The following ACKR2 variants were observed in gnomAD, a reference collection of about 807,000 sequenced individuals.
ACKR2 encodes the protein C-C chemokine receptor D6.
For synonymous variants in ACKR2, 207 were observed against 192.2 expected, an observed-to-expected ratio of 1.08 and a Z score of -0.64; for missense variants, 457 against 477.3, an observed-to-expected ratio of 0.96 and a Z score of 0.40.
rs1193533555 is a variant in ACKR2 at position 42,828,092 on chromosome 3, A to ATATATATTTTTTTTT, written c.-38+8382_-38+8383insATATATTTTTTTTTT. Reference sequence around the variant, plus strand: ...GCTTGCATTATATATATATATATATATTTTTTTTTTTTTCTTTTCTTTTCT... The same window carrying ATATATATTTTTTTTT: ...GCTTGCATTATATATATATATATATATATATATTTTTTTTTTTTTTTTTTTTTTCTTTTCTTTTCT... On this transcript the variant is annotated intron_variant, in intron 2 of 2. Transcript: ENST00000422265. 1.2e-3 allele frequency among the ~76,000 whole-genome samples: 146 copies of ATATATATTTTTTTTT among 121,862 alleles called. 2 individuals carry two copies. The highest frequency in any genetic ancestry group is 4.5e-3 in the African/African-American group (140 of 30,954). The allele number at this position is 121,862 out of a possible 152,430, so 79.9% of individuals were successfully genotyped here.
intron 2 of ACKR2, chr3:42,851,314 T>C (rs951894181): frequency 2.1e-6 from 2 of 971,510 alleles, no homozygotes; most frequent in South Asian, 9.5e-5. Flanking sequence ...AGGATATACA[T>C]AGGCTGCTGT....
At chr3:42,812,066 G>A (rs758526931) in intron 1 of ACKR2, among the ~76,000 whole-genome samples, 4 of 152,140 alleles carry the variant, frequency 2.6e-5, no homozygotes, top group South Asian at 2.1e-4. Context: ...TATGCTGAGC[G>A]CCGGTCCCCT....
intron 2 of ACKR2, among the ~76,000 whole-genome samples, chr3:42,827,997 T>C (rs2125607309): frequency 6.6e-6 from 1 of 151,844 alleles, no homozygotes. Context: ...CAAAATCATG[T>C]GTAAAGTCAA....
chr3:42,813,412 C>A (rs1490577727), intron 1 of ACKR2, among the ~76,000 whole-genome samples: 1 of 152,140 alleles, frequency 6.6e-6, no homozygotes, highest in Non-Finnish European at 1.5e-5. Context: ...CACAGTTCTG[C>A]AAGTTGTATA....
chr3:42,822,281 A>ATG, intron 2 of ACKR2, among the ~76,000 whole-genome samples: 1 of 152,176 alleles, frequency 6.6e-6, no homozygotes, highest in Admixed American at 6.5e-5. Context: ...TTCCGTTTTT[A>ATG]AAAATATATT....
At chr3:42,816,449 G>A (rs908348662) in intron 1 of ACKR2, among the ~76,000 whole-genome samples, 2 of 151,920 alleles carry the variant, frequency 1.3e-5, no homozygotes, top group South Asian at 2.1e-4. Flanking sequence ...TTTATGTAGT[G>A]ATAATTTTTG....
chr3:42,847,069 G>A (rs1701106315), intron 2 of ACKR2, among the ~76,000 whole-genome samples: 1 of 152,238 alleles, frequency 6.6e-6, no homozygotes, highest in African/African-American at 2.4e-5. Flanking sequence ...CAAAATGGAT[G>A]TGATAACTTC....
At position 42,867,071 on chromosome 3, in the gene ACKR2, G is replaced by A. The variant is rs959801083; in HGVS notation, c.*1414G>A. The A allele has an allele frequency of 6.1e-6, 1 of 164,192 alleles. No individual in the cohort carries two copies. The highest frequency in any genetic ancestry group is 2.4e-5 in the African/African-American group (1 of 41,370). The allele number at this position is 164,192 out of a possible 1,614,324, so 10.2% of individuals were successfully genotyped here. ...TATTTTTTGTGGAGACAGGGTCTCA[G>A]TATGTTACCCAGGTTGGACTGGAAA... On this transcript the variant is annotated 3_prime_UTR_variant, in exon 3 of 3. Coordinates refer to ENST00000422265, the MANE Select transcript of ACKR2 (RefSeq NM_001296.5).
At position 42,857,098 on chromosome 3, in the gene ACKR2, C is replaced by T. The variant is rs556039385; in HGVS notation, c.-37-7368C>T. 1.8e-4 allele frequency among the ~76,000 whole-genome samples: 28 copies of T among 152,104 alleles called. No individual in the cohort carries two copies. In the South Asian group the frequency reaches 3.1e-3, roughly 17 times the overall value. ...CCAATCCCATGCTGCTGGCTTCTGC[C>T]CAGGCACCTGCCGTCTTGAATTTGG... On this transcript the variant is annotated intron_variant, in intron 2 of 2. Coordinates refer to ENST00000422265, the MANE Select transcript of ACKR2 (RefSeq NM_001296.5).
intron 2 of ACKR2, 59 bp from the exon 3 acceptor site, chr3:42,864,407 A>G (rs1353568174): frequency 8.8e-5 from 129 of 1,471,476 alleles, no homozygotes; most frequent in Non-Finnish European, 1.1e-4. Flanking sequence ...GGGCAGCAGC[A>G]AAAGTGGGTT....
At chr3:42,821,243 G>A (rs905702013) in intron 2 of ACKR2, among the ~76,000 whole-genome samples, 5 of 152,136 alleles carry the variant, frequency 3.3e-5, no homozygotes, top group Admixed American at 2.0e-4. Flanking sequence ...TGCTTTTACC[G>A]TTAATTCAGA....
Position 42,856,381 on chromosome 3 carries a change from C to T in ACKR2, c.-37-8085C>T, listed in dbSNP as rs2088321473. ...CTCAGGAGAGGTTCTGTTTCAGCAG[C>T]ACTGAATAGTTCCATCAGCCATGAG... On this transcript the variant is annotated intron_variant, in intron 2 of 2. Transcript: ENST00000422265. 3 of 702,820 alleles carry T rather than the reference C, an allele frequency of 4.3e-6. No homozygotes were observed. In the East Asian group the frequency reaches 8.1e-5, roughly 19 times the overall value. 43.5% of individuals were successfully genotyped at this position (702,820 alleles called of 1,614,324 possible). A position where few individuals can be genotyped will look rare whatever the true frequency, so the allele number is the denominator to read the frequency against.
At chr3:42,828,094 T>TA (rs533091556) in intron 2 of ACKR2, among the ~76,000 whole-genome samples, 15,629 of 71,002 alleles carry the variant, frequency 0.22, 1,106 homozygotes, top group East Asian at 0.46. Context: ...ATATATATAT[T>TA]TTTTTTTTTT....
chr3:42,849,327 C>A (rs1278115463), intron 2 of ACKR2, among the ~76,000 whole-genome samples: 1 of 151,974 alleles, frequency 6.6e-6, no homozygotes, highest in Admixed American at 6.6e-5. Flanking sequence ...CATGGTGAAA[C>A]CTTGCCTCTA....
At chr3:42,820,979 G>A (rs1394689174) in intron 2 of ACKR2, among the ~76,000 whole-genome samples, 1 of 151,948 alleles carries the variant, frequency 6.6e-6, no homozygotes, top group Non-Finnish European at 1.5e-5. Flanking sequence ...CCGCCTCCCA[G>A]GTTCAAGTGA....
chr3:42,857,715 A>C (rs2088336488), intron 2 of ACKR2, among the ~76,000 whole-genome samples: 2 of 152,270 alleles, frequency 1.3e-5, no homozygotes, highest in African/African-American at 4.8e-5. Flanking sequence ...TATTGATATG[A>C]AACTATTTAC....
chr3:42,813,031 T>C (rs1700712311), intron 1 of ACKR2, among the ~76,000 whole-genome samples: 1 of 152,210 alleles, frequency 6.6e-6, no homozygotes, highest in Non-Finnish European at 1.5e-5. Context: ...GGTAAAGTGA[T>C]TGATTTAGAC....
chr3:42,846,228 C>T (rs1035136996), intron 2 of ACKR2, among the ~76,000 whole-genome samples: 4 of 152,180 alleles, frequency 2.6e-5, no homozygotes, highest in Non-Finnish European at 5.9e-5. Context: ...AGGACAGGCC[C>T]TCAGGAAGGG....
At chr3:42,860,651 TAACA>T (rs1177373727) in intron 2 of ACKR2, among the ~76,000 whole-genome samples, 11 of 152,188 alleles carry the variant, frequency 7.2e-5, no homozygotes, top group African/African-American at 2.4e-4. Context: ...ATGGAAATCA[TAACA>T]AACAGTCTCT....
Sources: allele counts gnomAD v4.1 joint callset (sites outside exome capture counted in the v4.1 genomes callset), GRCh38; gene constraint gnomAD v4.1.1; transcripts MANE v1.5; gene names NCBI Gene and HGNC (gene_info 2026-07-23, HGNC 2026-07-21).